Variants in GLIS3 observed in about 807,000 individuals in gnomAD.
The protein encoded by GLIS3 is GLIS family zinc finger 3.
In GLIS3, 53 loss-of-function variants were observed where a neutral mutation model predicts 78.6. That is an observed-to-expected ratio of 0.67 (90% CI 0.54 to 0.85). The LOEUF (loss-of-function observed/expected upper bound fraction) is 0.85, where lower values mean the gene tolerates loss of function less well. Ranked by LOEUF, GLIS3 falls within the 40% of genes least tolerant of loss-of-function variation. GLIS3 has a pLI of 0.00. For missense variants in GLIS3, 1,703 were observed against 1,231.1 expected (o/e 1.38, Z -5.74); for synonymous variants, 684 against 509.9 (o/e 1.34, Z -4.60).
intron 4 of GLIS3, among the ~76,000 whole-genome samples, chr9:4,099,113 C>A (rs1830173430): frequency 6.6e-6 from 1 of 152,224 alleles, no homozygotes; most frequent in Non-Finnish European, 1.5e-5. Context: ...GCATGGGCAC[C>A]TGCAGCAGCC....
chr9:3,881,372 T>C (rs1821716769), intron 7 of GLIS3, among the ~76,000 whole-genome samples: 2 of 152,198 alleles, frequency 1.3e-5, no homozygotes, highest in African/African-American at 4.8e-5. Flanking sequence ...CCAGAGGTTT[T>C]TTTGTATGTA....
chr9:4,020,286 CTGTT>C (rs1822775012), intron 4 of GLIS3, among the ~76,000 whole-genome samples: 1 of 151,952 alleles, frequency 6.6e-6, no homozygotes, highest in Admixed American at 6.6e-5. Flanking sequence ...AGGGAAAGTT[CTGTT>C]TGTTTTGTTT....
In GLIS3 at chr9:3,828,137, GA is replaced by G; in HGVS notation, c.*134del. The G allele has an allele frequency of 9.9e-7, 1 of 1,007,042 alleles. No homozygotes were observed. Among genetic ancestry groups the G allele is most frequent in the Non-Finnish European group, 1.5e-6 (1 of 651,928 alleles). 62.4% of individuals were successfully genotyped at this position (1,007,042 alleles called of 1,614,324 possible). On this transcript the variant is annotated 3_prime_UTR_variant, in exon 11 of 11. Coordinates refer to ENST00000381971, the MANE Select transcript of GLIS3 (RefSeq NM_001042413.2). ...GCTCTGCCATTCAGTCCTGCCTTCT[GA>G]AAGAACATCAGTAACTCTGCAGGGC...
In GLIS3 at chr9:4,299,933, C is replaced by CGGCACTCGCCGCCGGTGCCCGT. The variant is rs1345992951; in HGVS notation, c.-633_-612dup. The CGGCACTCGCCGCCGGTGCCCGT allele has an allele frequency of 6.6e-6, 1 of 152,004 alleles. No homozygotes were observed. Among genetic ancestry groups the CGGCACTCGCCGCCGGTGCCCGT allele is most frequent in the Non-Finnish European group, 1.5e-5 (1 of 68,010 alleles). 9.4% of individuals were successfully genotyped at this position (152,004 alleles called of 1,614,324 possible). On this transcript the variant is annotated 5_prime_UTR_variant, in exon 1 of 11. Coordinates refer to ENST00000381971, the MANE Select transcript of GLIS3 (RefSeq NM_001042413.2). Reference sequence around the variant, plus strand: ...GGGGTCCCGGGAGGGGCAGTGGCCGCGGCACTCGCCGCCGGTGCCCGTGCG... The same window carrying CGGCACTCGCCGCCGGTGCCCGT: ...GGGGTCCCGGGAGGGGCAGTGGCCGCGGCACTCGCCGCCGGTGCCCGTGGCACTCGCCGCCGGTGCCCGTGCG...
the GLIS3 span, among the ~76,000 whole-genome samples, chr9:4,432,638 CTTTTTT>C: frequency 3.5e-5 from 4 of 113,536 alleles, no homozygotes; most frequent in African/African-American, 9.8e-5. Context: ...TTTTTATTTC[CTTTTTT>C]TTTTTTTTTT....
the GLIS3 span, among the ~76,000 whole-genome samples, chr9:4,438,791 C>T: frequency 6.6e-6 from 1 of 152,162 alleles, no homozygotes; most frequent in Non-Finnish European, 1.5e-5. Context: ...TAGGACGTGT[C>T]TTGCTTCCCC....
chr9:4,440,755 G>C, the GLIS3 span, among the ~76,000 whole-genome samples: 6 of 152,066 alleles, frequency 3.9e-5, no homozygotes, highest in African/African-American at 1.4e-4. Context: ...AGGTAATATG[G>C]ACATTTTAAC....
At chr9:4,114,758 C>T (rs958162415) in intron 4 of GLIS3, among the ~76,000 whole-genome samples, 5 of 152,054 alleles carry the variant, frequency 3.3e-5, no homozygotes, top group East Asian at 1.9e-4. Flanking sequence ...TCTCTGCAAT[C>T]GAGGCCAGGC....
At chr9:4,010,572 C>T (rs1020941587) in intron 4 of GLIS3, among the ~76,000 whole-genome samples, 1 of 152,076 alleles carries the variant, frequency 6.6e-6, no homozygotes, top group Non-Finnish European at 1.5e-5. Context: ...CAGGCAGGAC[C>T]GTGTGAAAGA....
the GLIS3 span, among the ~76,000 whole-genome samples, chr9:4,384,751 T>C: frequency 1.3e-5 from 2 of 152,098 alleles, no homozygotes; most frequent in Non-Finnish European, 2.9e-5. Context: ...CTGGTTAATA[T>C]CCAGAGTCAC....
intron 4 of GLIS3, among the ~76,000 whole-genome samples, chr9:4,012,750 CT>C (rs910453258): frequency 2.8e-5 from 3 of 105,348 alleles, no homozygotes; most frequent in African/African-American, 6.8e-5. Context: ...TCTCTGGTTT[CT>C]TTTTTTTCTT....
intron 2 of GLIS3, among the ~76,000 whole-genome samples, chr9:4,188,948 C>T (rs989435101): frequency 2.0e-5 from 3 of 152,134 alleles, no homozygotes; most frequent in African/African-American, 7.2e-5. Context: ...AACAAACCAG[C>T]TCCTGGATTC....
chr9:4,264,403 C>T (rs1208768145), intron 2 of GLIS3, among the ~76,000 whole-genome samples: 1 of 152,164 alleles, frequency 6.6e-6, no homozygotes, highest in Non-Finnish European at 1.5e-5. Context: ...CTTTCCCATC[C>T]GGACTATTCT....
chr9:4,325,538 A>G (rs1469637101), intron 2 of GLIS3, among the ~76,000 whole-genome samples: 7 of 152,142 alleles, frequency 4.6e-5, no homozygotes, highest in East Asian at 3.9e-4. Flanking sequence ...CGATTCTCCT[A>G]TGATTCTTTC....
intron 4 of GLIS3, among the ~76,000 whole-genome samples, chr9:3,995,602 T>C (rs779561820): frequency 2.0e-4 from 30 of 151,920 alleles, no homozygotes; most frequent in African/African-American, 4.1e-4. Context: ...GCTGTGAAAA[T>C]TGACCAAGAA....
At chr9:4,112,958 A>G (rs1831341857) in intron 4 of GLIS3, among the ~76,000 whole-genome samples, 1 of 152,100 alleles carries the variant, frequency 6.6e-6, no homozygotes, top group Non-Finnish European at 1.5e-5. Context: ...CCACTATCCT[A>G]AAATTACTAG....
intron 8 of GLIS3, among the ~76,000 whole-genome samples, chr9:3,865,529 G>A (rs1383389562): frequency 6.6e-6 from 1 of 152,186 alleles, no homozygotes; most frequent in Non-Finnish European, 1.5e-5. Context: ...AACAGCATAT[G>A]ACAAGAACAT....
chr9:4,007,535 T>C (rs886085841), intron 4 of GLIS3, among the ~76,000 whole-genome samples: 1 of 152,080 alleles, frequency 6.6e-6, no homozygotes, highest in Non-Finnish European at 1.5e-5. Flanking sequence ...ACTAACCATC[T>C]CAGGGATAGC....
intron 2 of GLIS3, among the ~76,000 whole-genome samples, chr9:4,178,055 A>G (rs1243681224): frequency 6.6e-6 from 1 of 152,206 alleles, no homozygotes; most frequent in Non-Finnish European, 1.5e-5. Context: ...AGCAATTATT[A>G]TATCCTTTCT....
Sources: gnomAD v4.1 joint callset for allele counts (sites outside exome capture counted in the v4.1 genomes callset) on GRCh38, gnomAD v4.1.1 for gene constraint, MANE v1.5 for transcripts, NCBI Gene and HGNC (gene_info 2026-07-23, HGNC 2026-07-21) for gene names.